ANKRD26: variants seen among roughly 807,000 people sequenced by gnomAD.
The protein encoded by ANKRD26 is ankyrin repeat domain 26.
A neutral mutation model predicts 208.7 loss-of-function variants in ANKRD26; 141 were observed. That is an observed-to-expected ratio of 0.68 (90% CI 0.59 to 0.78). The LOEUF (loss-of-function observed/expected upper bound fraction) is 0.78, where lower values mean the gene tolerates loss of function less well. Among genes scored for constraint, ANKRD26 ranks in the 30% least tolerant of loss-of-function variants. ANKRD26 has a pLI of 0.00. For missense variants in ANKRD26, 1,889 were observed against 1,938.7 expected (o/e 0.97, Z 0.48); for synonymous variants, 636 against 660.4 (o/e 0.96, Z 0.57).
At chr10:27,065,164 C>T (rs2055195016) in intron 11 of ANKRD26, among the ~76,000 whole-genome samples, 1 of 152,100 alleles carries the variant, frequency 6.6e-6, no homozygotes, top group Non-Finnish European at 1.5e-5. Flanking sequence ...CATTTTGATC[C>T]CCATCCTAAC....
At chr10:26,997,108 A>C in intron 4 of ANKRD26, among the ~76,000 whole-genome samples, 1 of 152,230 alleles carries the variant, frequency 6.6e-6, no homozygotes, top group East Asian at 1.9e-4. Flanking sequence ...ATTGTGGCCC[A>C]AAAGATTGAA....
intron 3 of ANKRD26, among the ~76,000 whole-genome samples, chr10:26,983,831 T>C (rs574644173): frequency 2.2e-4 from 34 of 152,284 alleles, no homozygotes; most frequent in African/African-American, 7.9e-4. Context: ...GTATTGTCCT[T>C]TTTTATGCCA....
intron 16 of ANKRD26, among the ~76,000 whole-genome samples, chr10:27,050,244 A>AAAAAAAAAAAAAG (rs2054605396): frequency 1.5e-5 from 2 of 134,186 alleles, no homozygotes; most frequent in East Asian, 4.0e-4. Flanking sequence ...AAAAAAAAAA[A>AAAAAAAAAAAAAG]AAAGAAAGAA....
chr10:27,085,080 C>T (rs2056065885), intron 5 of ANKRD26, among the ~76,000 whole-genome samples: 1 of 151,514 alleles, frequency 6.6e-6, no homozygotes, highest in African/African-American at 2.4e-5. Flanking sequence ...ATTCAGCAGA[C>T]AGAAGAACAC....
rs553543082 is a variant in ANKRD26 at position 26,983,362 on chromosome 10, T to C, written c.490-549A>G. Among the ~76,000 whole-genome samples the C allele has an allele frequency of 2.0e-5, 3 of 152,252 alleles. No homozygotes were observed. The East Asian group carries it at 5.8e-4, about 29-fold the overall frequency. On this transcript the variant is annotated intron_variant and NMD_transcript_variant, in intron 3 of 5. Coordinates refer to the ANKRD26 transcript ENST00000674670. ...GTGCCCAAGCATAACCTAGGGAACA[T>C]TGTCCTAACCATCCTGGGGTTAACT...
chr10:27,033,388 A>T lies in ANKRD26; in HGVS notation c.3655-11T>A. 1 of 1,606,572 alleles carries T rather than the reference A, an allele frequency of 6.2e-7. No homozygotes were observed. Among genetic ancestry groups the T allele is most frequent in the Non-Finnish European group, 8.5e-7 (1 of 1,175,782 alleles). On this transcript the variant is annotated splice_polypyrimidine_tract_variant and intron_variant, in intron 24 of 33. Coordinates refer to ENST00000376087, the MANE Select transcript of ANKRD26 (RefSeq NM_014915.3). ...TTGTCTCACAACAACCTGATAAGAC[A>T]TTTTGTTACTGATTTTATAAATCAC...
chr10:26,961,622 T>C, the ANKRD26 span, among the ~76,000 whole-genome samples: 764 of 152,118 alleles, frequency 5.0e-3, 6 homozygotes, highest in African/African-American at 0.018. Flanking sequence ...AGCAGGAGGA[T>C]TGCTTGAGCC....
intron 4 of ANKRD26, among the ~76,000 whole-genome samples, chr10:27,089,849 C>CTTTTGCTT (rs1203035688): frequency 1.3e-5 from 2 of 152,118 alleles, no homozygotes; most frequent in Admixed American, 6.5e-5. Flanking sequence ...CTAGTCTAGC[C>CTTTTGCTT]TTTTGCTTGA....
Position 27,082,718 on chromosome 10 carries a change from T to C in ANKRD26, c.740+85A>G, listed in dbSNP as rs10829174. On this transcript the variant is annotated intron_variant, in intron 6 of 33. Transcript: ENST00000376087. ...CGACTATATGGAGAAGCACATAATATGGTGTCTACCCAGAGTAGGGCACTC... is the reference window on the plus strand; with the variant it reads ...CGACTATATGGAGAAGCACATAATACGGTGTCTACCCAGAGTAGGGCACTC... The C allele has an allele frequency of 0.6, 896,993 of 1,487,022 alleles. 280,050 individuals are homozygous for C. The highest frequency in any genetic ancestry group is 0.65 in the Non-Finnish European group (718,973 of 1,113,032). The allele number at this position is 1,487,022 out of a possible 1,614,324, so 92.1% of individuals were successfully genotyped here.
At chr10:27,019,766 G>GT (rs1362641022) in intron 29 of ANKRD26, among the ~76,000 whole-genome samples, 1 of 152,160 alleles carries the variant, frequency 6.6e-6, no homozygotes, top group Non-Finnish European at 1.5e-5. Context: ...TTTTTCCTGT[G>GT]TAAGTTATGT....
At chr10:27,027,937 T>C (rs1300821390) in intron 27 of ANKRD26, among the ~76,000 whole-genome samples, 1 of 152,200 alleles carries the variant, frequency 6.6e-6, no homozygotes. Context: ...GCTAGCAATA[T>C]GTGGTATATG....
chr10:27,037,861 A>T lies in ANKRD26; in HGVS notation c.2559+10T>A, dbSNP rs768668962. The T allele has an allele frequency of 1.1e-4, 177 of 1,593,322 alleles. 1 individual carries two copies. Among genetic ancestry groups the T allele is most frequent in the South Asian group, 2.5e-4 (22 of 88,736 alleles). ...TAAAAATATAAAATTTTTATCAAAAATTAATTTACCTGATTCAAATTACTT... is the reference window on the plus strand; with the variant it reads ...TAAAAATATAAAATTTTTATCAAAATTTAATTTACCTGATTCAAATTACTT... On this transcript the variant is annotated intron_variant, in intron 22 of 33. Transcript: ENST00000376087.
At chr10:26,959,635 G>A in the ANKRD26 span, among the ~76,000 whole-genome samples, 14,406 of 150,174 alleles carry the variant, frequency 0.096, 1,363 homozygotes, top group East Asian at 0.48. Context: ...CACATAATTC[G>A]AATGCACTTT....
At chr10:27,080,791 G>A in intron 6 of ANKRD26, 1 of 985,372 alleles carries the variant, frequency 1.0e-6, no homozygotes, top group Non-Finnish European at 1.2e-6. Flanking sequence ...AAGCTAAATG[G>A]AGTCTCTGTC....
At chr10:27,089,257 T>A (rs2056218557) in intron 4 of ANKRD26, among the ~76,000 whole-genome samples, 1 of 152,176 alleles carries the variant, frequency 6.6e-6, no homozygotes, top group African/African-American at 2.4e-5. Flanking sequence ...ACTGTCTTCC[T>A]TGGACTTAAG....
intron 3 of ANKRD26, among the ~76,000 whole-genome samples, chr10:26,983,820 C>T (rs1589165079): frequency 6.6e-6 from 1 of 152,062 alleles, no homozygotes; most frequent in East Asian, 1.9e-4. Flanking sequence ...GCTAATGATA[C>T]GTATTGTCCT....
intron 15 of ANKRD26, among the ~76,000 whole-genome samples, chr10:27,057,697 G>A (rs1388169521): frequency 6.6e-6 from 1 of 152,194 alleles, no homozygotes; most frequent in South Asian, 2.1e-4. Context: ...CCAGCACTTT[G>A]GGAGGCCAAG....
chr10:27,092,284 C>T (rs1435017520), intron 4 of ANKRD26, 122 bp downstream of exon 4: 7 of 693,328 alleles, frequency 1.0e-5, no homozygotes, highest in Admixed American at 7.6e-5. Flanking sequence ...GAAACACCAA[C>T]GAATCACTGT....
At chr10:26,974,371 C>T (rs535932429) in exon 6 of ANKRD26, among the ~76,000 whole-genome samples, 47 of 147,988 alleles carry the variant, frequency 3.2e-4, no homozygotes, top group African/African-American at 6.5e-4. Context: ...GATGGAGTCC[C>T]GCTCTGTTGC....
Sources: allele counts gnomAD v4.1 joint callset (sites outside exome capture counted in the v4.1 genomes callset), GRCh38; gene constraint gnomAD v4.1.1; transcripts MANE v1.5; gene names NCBI Gene and HGNC (gene_info 2026-07-23, HGNC 2026-07-21).